The following PEX13 variants were observed in gnomAD, a reference collection of about 807,000 sequenced individuals.
PEX13 encodes the protein peroxisome biogenesis factor 13.
A neutral mutation model predicts 34.5 loss-of-function variants in PEX13; 28 were observed. The ratio of observed to expected loss-of-function variants is 0.81; its 90% CI spans 0.60 to 1.11. PEX13 has a LOEUF of 1.11. PEX13 is among the 50% of genes most tolerant of loss of function. The probability of loss-of-function intolerance (pLI) is 0.00; values close to 1 mark genes in which losing one functional copy is unlikely to be tolerated. For missense variants in PEX13, 550 were observed against 491.0 expected, an observed-to-expected ratio of 1.12 and a Z score of -1.13; for synonymous variants, 177 against 175.1, an observed-to-expected ratio of 1.01 and a Z score of -0.09.
At chr2:61,022,268 G>A (rs753298398) in intron 1 of PEX13, among the ~76,000 whole-genome samples, 8 of 152,160 alleles carry the variant, frequency 5.3e-5, no homozygotes, top group Non-Finnish European at 1.2e-4. Context: ...TCGCAAAGAA[G>A]CTAAAAACCT....
chr2:61,041,370 A>G (rs1003399225), intron 2 of PEX13, among the ~76,000 whole-genome samples: 1 of 152,174 alleles, frequency 6.6e-6, no homozygotes. Context: ...GAATGATACT[A>G]CTATCATACA....
chr2:61,019,750 A>C (rs1310131279), intron 1 of PEX13, among the ~76,000 whole-genome samples: 1 of 152,158 alleles, frequency 6.6e-6, no homozygotes, highest in Admixed American at 6.5e-5. Flanking sequence ...CACTATCTTA[A>C]TTACAGAATT....
At chr2:61,018,217 A>AT in intron 1 of PEX13, 1 of 1,550,982 alleles carries the variant, frequency 6.4e-7, no homozygotes, top group Non-Finnish European at 8.7e-7. Flanking sequence ...TGAGAGCGGC[A>AT]TTTGTCCAGC....
chr2:61,023,787 T>TTTTGTTTG lies in PEX13; in HGVS notation c.92+5956_92+5963dup, dbSNP rs34837651. Among the ~76,000 whole-genome samples, 94 of 148,942 alleles carry TTTTGTTTG rather than the reference T, an allele frequency of 6.3e-4. No individual in the cohort carries two copies. In the South Asian group the frequency reaches 0.013, roughly 20 times the overall value. ...ACTTTTTGGCCATCTCTGTCTTTTG[T>TTTTGTTTG]TTTGTTTGTTTGTTTGTTTGTTTGT... On this transcript the variant is annotated intron_variant, in intron 1 of 3. Coordinates refer to ENST00000295030, the MANE Select transcript of PEX13 (RefSeq NM_002618.4).
intron 3 of PEX13, among the ~76,000 whole-genome samples, chr2:61,047,084 C>G (rs563780326): frequency 2.6e-5 from 4 of 151,420 alleles, no homozygotes; most frequent in African/African-American, 9.7e-5. Context: ...GCCTGGGCAA[C>G]GTAGTGTAAC....
At chr2:61,032,155 A>T in intron 2 of PEX13, 42 bp downstream of exon 2, 2 of 1,292,746 alleles carry the variant, frequency 1.5e-6, no homozygotes, top group Non-Finnish European at 2.2e-6. Context: ...ACCATATAAC[A>T]ATCTCAAATT....
chr2:61,024,339 A>ACTTTACT (rs1224865863), intron 1 of PEX13, among the ~76,000 whole-genome samples: 1 of 152,004 alleles, frequency 6.6e-6, no homozygotes, highest in East Asian at 1.9e-4. Flanking sequence ...ATCTATTGTC[A>ACTTTACT]CTTTACTCCT....
chr2:61,033,929 A>G (rs1304034785), intron 2 of PEX13, among the ~76,000 whole-genome samples: 3 of 152,144 alleles, frequency 2.0e-5, no homozygotes, highest in African/African-American at 7.2e-5. Flanking sequence ...ATGGGAAGCC[A>G]CTGGAGATTT....
chr2:61,046,278 A>G (rs144387195), intron 3 of PEX13, among the ~76,000 whole-genome samples: 50 of 152,296 alleles, frequency 3.3e-4, no homozygotes, highest in African/African-American at 1.1e-3. Flanking sequence ...AAATTTCATC[A>G]TAAGTATTTT....
chr2:61,026,974 C>T (rs1475328444), intron 1 of PEX13, among the ~76,000 whole-genome samples: 1 of 151,682 alleles, frequency 6.6e-6, no homozygotes, highest in Non-Finnish European at 1.5e-5. Flanking sequence ...AATAGGTGTC[C>T]TGTTGCCTCT....
chr2:61,018,223 C>G, intron 1 of PEX13: 1 of 1,551,054 alleles, frequency 6.4e-7, no homozygotes, highest in Non-Finnish European at 8.7e-7. Flanking sequence ...CGGCATTTGT[C>G]CAGCCACGGC....
chr2:61,042,067 CT>C (rs1179478012), intron 2 of PEX13, among the ~76,000 whole-genome samples: 1 of 152,182 alleles, frequency 6.6e-6, no homozygotes, highest in African/African-American at 2.4e-5. Flanking sequence ...TTTTGTACAG[CT>C]CACAAGCTAA....
intron 1 of PEX13, among the ~76,000 whole-genome samples, chr2:61,020,952 G>A (rs186087493): frequency 6.6e-6 from 1 of 152,084 alleles, no homozygotes; most frequent in Non-Finnish European, 1.5e-5. Context: ...ACTATGCCCA[G>A]CCCTTACCTT....
rs547895367 is a variant in PEX13 at position 61,046,338 on chromosome 2, G to A, written c.913+487G>A. 1.2e-4 allele frequency among the ~76,000 whole-genome samples: 19 copies of A among 152,158 alleles called. No individual in the cohort carries two copies. In the East Asian group the frequency reaches 2.3e-3, roughly 19 times the overall value. On this transcript the variant is annotated intron_variant, in intron 3 of 3. Coordinates refer to ENST00000295030, the MANE Select transcript of PEX13 (RefSeq NM_002618.4). ...TAGAACCCCAGCAAGAGATTTATAC[G>A]CATCTCGGGTTTATTTTTGGACCAA...
At chr2:61,026,496 C>T (rs1021372935) in intron 1 of PEX13, among the ~76,000 whole-genome samples, 1 of 151,824 alleles carries the variant, frequency 6.6e-6, no homozygotes, top group Non-Finnish European at 1.5e-5. Context: ...TACAGGCGCC[C>T]ACCACCACGC....
At chr2:61,031,341 T>C in intron 1 of PEX13, 78 bp from the exon 2 acceptor site, 1 of 995,552 alleles carries the variant, frequency 1.0e-6, no homozygotes, top group Non-Finnish European at 1.6e-6. Flanking sequence ...ACCAGGTATA[T>C]AGGAGATGTT....
rs1680459679 is a variant in PEX13 at position 61,031,987 on chromosome 2, CTT to C, written c.662_663del (p.Leu221ArgfsTer3). On this transcript the variant is annotated frameshift_variant, in exon 2 of 4. Coordinates refer to ENST00000295030, the MANE Select transcript of PEX13 (RefSeq NM_002618.4). LOFTEE classifies it high-confidence loss of function. ...WAESEGTVACLGAEDRAATSA... is the reference protein window; with the variant it reads ...WAESEGTVACXGAEDRAATSA... ...AGAGAGTGAAGGAACTGTGGCATGC[CTT>C]GGTGCTGAGGACCGAGCAGCTACCT... 1.2e-6 allele frequency: 2 copies of C among 1,613,718 alleles called. No individual in the cohort carries two copies. Among genetic ancestry groups the C allele is most frequent in the Non-Finnish European group, 1.7e-6 (2 of 1,179,792 alleles).
intron 3 of PEX13, among the ~76,000 whole-genome samples, chr2:61,046,956 G>A (rs900749583): frequency 1.3e-5 from 2 of 152,084 alleles, no homozygotes; most frequent in African/African-American, 2.4e-5. Context: ...GAGGTGCAGT[G>A]TGTGCACCTA....
At chr2:61,031,231 C>T (rs1045350750) in intron 1 of PEX13, among the ~76,000 whole-genome samples, 188 bp from the exon 2 acceptor site, 3 of 152,164 alleles carry the variant, frequency 2.0e-5, no homozygotes, top group Non-Finnish European at 2.9e-5. Context: ...GTTGAGGCTA[C>T]AGTGAGCTTT....
Sources: gnomAD v4.1 joint callset for allele counts (sites outside exome capture counted in the v4.1 genomes callset) on GRCh38, gnomAD v4.1.1 for gene constraint, MANE v1.5 for transcripts, NCBI Gene and HGNC (gene_info 2026-07-23, HGNC 2026-07-21) for gene names.